Variants in IQCE observed in about 807,000 individuals in gnomAD.
IQCE encodes IQ motif containing E.
Under a neutral mutation model 96.0 loss-of-function variants are expected in IQCE, and 115 were observed. That is an observed-to-expected ratio of 1.20 (90% CI 1.03 to 1.40). The LOEUF (loss-of-function observed/expected upper bound fraction) is 1.40, where lower values mean the gene tolerates loss of function less well. Ranked by LOEUF, IQCE falls within the 40% of genes most tolerant of loss-of-function variation. The pLI, the probability that IQCE is intolerant of heterozygous loss-of-function variation, is 0.00. For missense variants in IQCE, 1,041 were observed against 909.1 expected, an observed-to-expected ratio of 1.15 and a Z score of -1.87; for synonymous variants, 412 against 371.2, an observed-to-expected ratio of 1.11 and a Z score of -1.26.
chr7:2,585,742 A>C (rs1783049589), intron 11 of IQCE, among the ~76,000 whole-genome samples: 1 of 152,252 alleles, frequency 6.6e-6, no homozygotes, highest in African/African-American at 2.4e-5. Flanking sequence ...ACGTGCAAGA[A>C]TCCCCACAAA....
In IQCE at chr7:2,573,415, T is replaced by C. The variant is rs572491354; in HGVS notation, c.395-3T>C. On this transcript the variant is annotated splice_region_variant and splice_polypyrimidine_tract_variant and intron_variant, in intron 5 of 21. Transcript: ENST00000402050. ...TTGAAACGATTTGTTTATGTTTCTCTAGGTCATGTCCCTGGGACTCCTGTC... is the reference window on the plus strand; with the variant it reads ...TTGAAACGATTTGTTTATGTTTCTCCAGGTCATGTCCCTGGGACTCCTGTC... The C allele has an allele frequency of 4.3e-6, 6 of 1,393,910 alleles. No homozygotes were observed. Among genetic ancestry groups the C allele is most frequent in the East Asian group, 4.5e-5 (2 of 44,116 alleles). 86.3% of individuals were successfully genotyped at this position (1,393,910 alleles called of 1,614,324 possible).
In IQCE at chr7:2,578,268, G is replaced by A. The variant is rs768932660; in HGVS notation, c.492G>A (p.Val164=). ...KKSLHVQKSD[V]DLMRTKLRRL... is the part of the protein sequence containing the mutation. ...CATTGCACGTGCAGAAGAGCGACGTGGACCTGATGAGAACGAAGCTCCGGC... is the reference window on the plus strand; with the variant it reads ...CATTGCACGTGCAGAAGAGCGACGTAGACCTGATGAGAACGAAGCTCCGGC... Residue 164 remains valine, a synonymous_variant, in exon 7 of 22, where the codon GTG becomes GTA. Transcript: ENST00000402050. 1.9e-6 allele frequency: 3 copies of A among 1,613,916 alleles called. No individual in the cohort carries two copies. The highest frequency in any genetic ancestry group is 2.5e-6 in the Non-Finnish European group (3 of 1,179,846).
At chr7:2,576,901 G>T (rs561890439) in intron 6 of IQCE, among the ~76,000 whole-genome samples, 1 of 152,172 alleles carries the variant, frequency 6.6e-6, no homozygotes, top group Admixed American at 6.5e-5. Context: ...GGGAGAAAAC[G>T]CGTGGTGCGG....
chr7:2,614,242 T>C lies in IQCE; in HGVS notation c.*4080T>C, dbSNP rs1785211544. On this transcript the variant is annotated 3_prime_UTR_variant, in exon 22 of 22. Coordinates refer to ENST00000402050, the MANE Select transcript of IQCE (RefSeq NM_152558.5). ...AATAAAAACCTGCAGAAAGCACCGA[T>C]AACCTTCAAGATCTGAATGAGATTC... 1 of 152,226 alleles carries C rather than the reference T, an allele frequency of 6.6e-6. No individual in the cohort carries two copies. The highest frequency in any genetic ancestry group is 1.5e-5 in the Non-Finnish European group (1 of 68,042). The allele number at this position is 152,226 out of a possible 1,614,324, so 9.4% of individuals were successfully genotyped here.
chr7:2,610,235 T>C lies in IQCE; in HGVS notation c.*73T>C. On this transcript the variant is annotated 3_prime_UTR_variant, in exon 22 of 22. Coordinates refer to ENST00000402050, the MANE Select transcript of IQCE (RefSeq NM_152558.5). Reference sequence around the variant, plus strand: ...TAGGAACCACGACTGGAAAGATAATTTATCGTGTTAGGAGAAGAACGATGA... The same window carrying C: ...TAGGAACCACGACTGGAAAGATAATCTATCGTGTTAGGAGAAGAACGATGA... 1.1e-6 allele frequency: 1 copy of C among 899,810 alleles called. No homozygotes were observed. The highest frequency in any genetic ancestry group is 1.9e-6 in the Non-Finnish European group (1 of 532,064). The allele number at this position is 899,810 out of a possible 1,614,324, so 55.7% of individuals were successfully genotyped here. A position where few individuals can be genotyped will look rare whatever the true frequency, so the allele number is the denominator to read the frequency against.
chr7:2,597,456 G>A (rs1784130421), intron 16 of IQCE, among the ~76,000 whole-genome samples: 1 of 152,254 alleles, frequency 6.6e-6, no homozygotes, highest in South Asian at 2.1e-4. Context: ...AAGCCGTTCT[G>A]TGTTTGTTGA....
chr7:2,563,375 T>TTTTGTGTGTGTGTGTG (rs60896382), intron 1 of IQCE, among the ~76,000 whole-genome samples: 71 of 135,800 alleles, frequency 5.2e-4, no homozygotes, highest in South Asian at 1.9e-3. Context: ...TAATTTTTTG[T>TTTTGTGTGTGTGTGTG]TGTGTGTGTG....
chr7:2,578,121 C>T (rs1782338505), intron 6 of IQCE, 121 bp from the exon 7 acceptor site: 3 of 700,674 alleles, frequency 4.3e-6, no homozygotes, highest in Non-Finnish European at 4.9e-6. Context: ...TGGCTGTGCG[C>T]GTGGGGACGT....
At chr7:2,603,393 C>T (rs1784567973) in intron 18 of IQCE, among the ~76,000 whole-genome samples, 1 of 152,200 alleles carries the variant, frequency 6.6e-6, no homozygotes, top group Non-Finnish European at 1.5e-5. Context: ...GGGGTAAATG[C>T]CCTCCAGTGA....
chr7:2,596,206 C>G (rs923842012), intron 16 of IQCE, among the ~76,000 whole-genome samples: 1 of 151,764 alleles, frequency 6.6e-6, no homozygotes, highest in Admixed American at 6.6e-5. Context: ...CTGCAGAGAG[C>G]CAAGGTAGCA....
Position 2,571,520 on chromosome 7 carries a change from T to C in IQCE, c.131-6T>C. The C allele has an allele frequency of 6.2e-7, 1 of 1,606,218 alleles. No homozygotes were observed. The highest frequency in any genetic ancestry group is 8.5e-7 in the Non-Finnish European group (1 of 1,179,952). On this transcript the variant is annotated splice_polypyrimidine_tract_variant and splice_region_variant and intron_variant, in intron 3 of 21. Coordinates refer to ENST00000402050, the MANE Select transcript of IQCE (RefSeq NM_152558.5). The stretch of plus-strand genomic sequence containing the variant: ...CACCTCTGAATCCACGTGTTGGCTT[T>C]TCCAGAGTCACCTTATCTCTCTAAG...
chr7:2,561,366 G>T (rs988473985), intron 1 of IQCE, among the ~76,000 whole-genome samples: 2 of 151,386 alleles, frequency 1.3e-5, no homozygotes, highest in East Asian at 1.9e-4. Context: ...TGATGTTATT[G>T]TATATTGAAT....
intron 7 of IQCE, 37 bp from the exon 8 acceptor site, chr7:2,578,439 C>G: frequency 6.2e-7 from 1 of 1,613,848 alleles, no homozygotes. Context: ...GGGGCTACAC[C>G]GAAGGCCGTC....
In IQCE at chr7:2,593,061, G is replaced by A. The variant is rs758017628; in HGVS notation, c.1284G>A (p.Leu428=). The change falls in exon 15 of 22, where the codon CTG becomes CTA. Residue 428 remains leucine (L), a synonymous_variant. Coordinates refer to ENST00000402050, the MANE Select transcript of IQCE (RefSeq NM_152558.5). ...AGCTCCTGCAGGCGAAGGCCGACCT[G>A]GAGAAGGAGCTGGAGTGCGCGAGGG... ...VKQLLQAKAD[L]EKELECAREG... The A allele has an allele frequency of 6.2e-7, 1 of 1,611,736 alleles. No homozygotes were observed. The highest frequency in any genetic ancestry group is 8.5e-7 in the Non-Finnish European group (1 of 1,178,072).
intron 8 of IQCE, among the ~76,000 whole-genome samples, chr7:2,580,480 C>A (rs550548185): frequency 6.6e-5 from 10 of 152,086 alleles, no homozygotes; most frequent in Non-Finnish European, 1.0e-4. Context: ...GGTATGATGG[C>A]GCGTGCCTGT....
In IQCE at chr7:2,589,957, A is replaced by G; in HGVS notation, c.1095A>G (p.Arg365=). Residue 365 remains arginine (R), a synonymous_variant, in exon 14 of 22, where the codon AGA becomes AGG. Coordinates refer to ENST00000402050, the MANE Select transcript of IQCE (RefSeq NM_152558.5). ...SSKSHAAEPV[R]SHPPACLASS... is the part of the protein sequence containing the mutation. ...AATCACACGCCGCAGAGCCAGTCAG[A>G]TCACACCCGCCAGCCTGCCTTGCAT... 6.2e-7 allele frequency: 1 copy of G among 1,613,964 alleles called. No homozygotes were observed. Among genetic ancestry groups the G allele is most frequent in the Non-Finnish European group, 8.5e-7 (1 of 1,180,030 alleles).
At chr7:2,593,740 G>A (rs1783800220) in intron 15 of IQCE, among the ~76,000 whole-genome samples, 1 of 152,262 alleles carries the variant, frequency 6.6e-6, no homozygotes, top group African/African-American at 2.4e-5. Flanking sequence ...GAGGACTGCT[G>A]ACGAGCATGG....
At chr7:2,595,734 C>CACTTCTGGTGGTAGAAGGG (rs1234227786) in intron 16 of IQCE, among the ~76,000 whole-genome samples, 2 of 151,122 alleles carry the variant, frequency 1.3e-5, no homozygotes, top group Admixed American at 6.6e-5. Context: ...CCTGCACTTG[C>CACTTCTGGTGGTAGAAGGG]CTCCCTGGAG....
At chr7:2,564,784 G>A (rs1468092216) in intron 1 of IQCE, among the ~76,000 whole-genome samples, 2 of 152,086 alleles carry the variant, frequency 1.3e-5, no homozygotes, top group Non-Finnish European at 1.5e-5. Flanking sequence ...TGTTGAGTGG[G>A]GTGTTCTGTA....
Sources: gnomAD v4.1 joint callset for allele counts (sites outside exome capture counted in the v4.1 genomes callset) on GRCh38, gnomAD v4.1.1 for gene constraint, MANE v1.5 for transcripts, NCBI Gene and HGNC (gene_info 2026-07-23, HGNC 2026-07-21) for gene names.